The following MCTP1 variants were observed in gnomAD, a reference collection of about 807,000 sequenced individuals.
MCTP1 encodes multiple C2 and transmembrane domain-containing protein 1.
MCTP1 carries 69 observed loss-of-function variants against 120.6 expected under a neutral mutation model. That is an observed-to-expected ratio of 0.57 (90% CI 0.47 to 0.70). MCTP1 has a LOEUF of 0.70. MCTP1 is among the 30% of genes least tolerant of loss of function. The pLI is 0.00. For synonymous variants in MCTP1, 529 were observed against 493.1 expected (o/e 1.07, Z -0.96); for missense variants, 1,203 against 1,248.8 (o/e 0.96, Z 0.55).
intron 17 of MCTP1, among the ~76,000 whole-genome samples, chr5:94,849,240 T>C (rs1048969394): frequency 3.3e-5 from 5 of 152,168 alleles, no homozygotes; most frequent in Admixed American, 3.3e-4. Flanking sequence ...TCTATTTCCT[T>C]CTTTAGTAAC....
At chr5:94,808,449 A>G (rs1469925424) in intron 17 of MCTP1, among the ~76,000 whole-genome samples, 1 of 152,158 alleles carries the variant, frequency 6.6e-6, no homozygotes, top group East Asian at 1.9e-4. Context: ...GAATCTTTCC[A>G]ATTTATTTTG....
At chr5:95,147,018 T>C (rs942971530) in intron 1 of MCTP1, among the ~76,000 whole-genome samples, 1 of 152,182 alleles carries the variant, frequency 6.6e-6, no homozygotes, top group Non-Finnish European at 1.5e-5. Context: ...AGTCTTTTCA[T>C]AGGTCAAAAA....
chr5:95,183,551 G>C (rs1433007567), intron 1 of MCTP1, among the ~76,000 whole-genome samples: 1 of 152,068 alleles, frequency 6.6e-6, no homozygotes, highest in Non-Finnish European at 1.5e-5. Flanking sequence ...TTTGGAGCAT[G>C]AATTTGAAAT....
In MCTP1 at chr5:95,131,360, G is replaced by A. The variant is rs887396038; in HGVS notation, c.721-113876C>T. On this transcript the variant is annotated intron_variant, in intron 1 of 22. Coordinates refer to ENST00000515393, the MANE Select transcript of MCTP1 (RefSeq NM_024717.7). ...CCTGAAAATGTGAAGCAAGGAGACTGGGCTTGATTTTAATAGACCTGATTC... is the reference window on the plus strand; with the variant it reads ...CCTGAAAATGTGAAGCAAGGAGACTAGGCTTGATTTTAATAGACCTGATTC... 2.0e-5 allele frequency among the ~76,000 whole-genome samples: 3 copies of A among 152,062 alleles called. 1 individual carries two copies. Among genetic ancestry groups the A allele is most frequent in the Non-Finnish European group, 4.4e-5 (3 of 68,026 alleles).
chr5:94,808,537 T>A (rs1323287065), intron 17 of MCTP1, among the ~76,000 whole-genome samples: 3 of 152,180 alleles, frequency 2.0e-5, no homozygotes, highest in Non-Finnish European at 4.4e-5. Context: ...GTGGCATCTC[T>A]CCCTTCTCTT....
At chr5:94,988,907 A>G (rs144577309) in intron 2 of MCTP1, among the ~76,000 whole-genome samples, 98 of 152,176 alleles carry the variant, frequency 6.4e-4, no homozygotes, top group African/African-American at 2.2e-3. Flanking sequence ...TTCTAAAACT[A>G]TCAGATCTTG....
intron 15 of MCTP1, 38 bp downstream of exon 15, chr5:94,870,834 C>T (rs911416400): frequency 4.6e-6 from 6 of 1,314,996 alleles, no homozygotes; most frequent in Non-Finnish European, 6.6e-6. Context: ...TGAAACTGAA[C>T]TCTTTAGCAG....
chr5:95,009,182 T>C (rs1835426948), intron 2 of MCTP1, among the ~76,000 whole-genome samples: 1 of 152,098 alleles, frequency 6.6e-6, no homozygotes, highest in African/African-American at 2.4e-5. Flanking sequence ...AACTGTTTTG[T>C]TGTTTTAAGC....
intron 1 of MCTP1, among the ~76,000 whole-genome samples, chr5:95,281,870 T>C (rs1013744877): frequency 2.0e-5 from 3 of 152,234 alleles, no homozygotes; most frequent in African/African-American, 4.8e-5. Context: ...AAGGCTCTAC[T>C]TTCATCAGTA....
At chr5:95,237,358 G>A (rs1243071685) in intron 1 of MCTP1, among the ~76,000 whole-genome samples, 3 of 152,168 alleles carry the variant, frequency 2.0e-5, no homozygotes, top group Admixed American at 6.5e-5. Flanking sequence ...TAAAAGTAAC[G>A]GTTTTTGCCA....
chr5:94,870,723 G>A, intron 15 of MCTP1, 149 bp downstream of exon 15: 2 of 679,308 alleles, frequency 2.9e-6, no homozygotes, highest in South Asian at 3.7e-5. Context: ...AAGTGTGGGT[G>A]TGCCAGGCAG....
chr5:95,021,535 C>T (rs972762905), intron 1 of MCTP1, among the ~76,000 whole-genome samples: 2 of 151,900 alleles, frequency 1.3e-5, no homozygotes, highest in African/African-American at 4.8e-5. Context: ...CTCTATCTAG[C>T]TTAATTTATT....
At position 95,284,092 on chromosome 5, in the gene MCTP1, C is replaced by T; in HGVS notation, c.484G>A (p.Ala162Thr). ...SPDSAPSSSS[A>T]SSSLSSSPQP... The stretch of plus-strand genomic sequence containing the variant: ...GGCGAGGAGGACAGGGAGGATGAGG[C>T]GGAGGAAGAGGAAGGAGCTGAGTCG... The change falls in exon 1 of 23, where the codon GCC becomes ACC. Residue 162 changes from alanine (A) to threonine (T), a missense_variant. Physicochemically the swap from Ala to Thr is moderately conservative, Grantham distance 58. Transcript: ENST00000515393. This position sits in a 1 kb window ranked among gnomAD's most constrained non-coding sequence, Gnocchi z 5.2. The T allele has an allele frequency of 1.3e-6, 2 of 1,550,644 alleles. No individual in the cohort carries two copies. Among genetic ancestry groups the T allele is most frequent in the Non-Finnish European group, 1.7e-6 (2 of 1,146,940 alleles).
chr5:95,127,018 T>C (rs927452616), intron 1 of MCTP1, among the ~76,000 whole-genome samples: 2 of 152,202 alleles, frequency 1.3e-5, no homozygotes, highest in African/African-American at 2.4e-5. Context: ...AAGCAGCAGG[T>C]TGAGCTACCT....
chr5:95,140,534 A>G (rs1055939375), intron 1 of MCTP1, among the ~76,000 whole-genome samples: 8 of 151,944 alleles, frequency 5.3e-5, no homozygotes, highest in Non-Finnish European at 8.8e-5. Context: ...AACTGCTGTC[A>G]CAAAACTTTT....
intron 17 of MCTP1, among the ~76,000 whole-genome samples, chr5:94,806,368 G>T (rs1040554135): frequency 1.5e-4 from 23 of 152,140 alleles, no homozygotes; most frequent in African/African-American, 5.6e-4. Context: ...GTGGGGCAAG[G>T]CTTTTCAGTC....
At chr5:95,030,105 C>A (rs1840004762) in intron 1 of MCTP1, among the ~76,000 whole-genome samples, 1 of 152,154 alleles carries the variant, frequency 6.6e-6, no homozygotes, top group African/African-American at 2.4e-5. Flanking sequence ...ATGGCCTGTA[C>A]CTGCACTGCA....
intron 1 of MCTP1, among the ~76,000 whole-genome samples, chr5:95,056,814 T>C (rs1422479491): frequency 6.6e-5 from 10 of 152,120 alleles, no homozygotes; most frequent in Non-Finnish European, 1.2e-4. Flanking sequence ...AATTCCCCCA[T>C]AGTCTTGCTC....
intron 1 of MCTP1, among the ~76,000 whole-genome samples, chr5:95,119,633 G>A (rs1357758123): frequency 6.6e-6 from 1 of 151,902 alleles, no homozygotes; most frequent in Non-Finnish European, 1.5e-5. Context: ...TTTTAGCCAG[G>A]CTGAGGAAAA....
Sources: gnomAD v4.1 joint callset for allele counts (sites outside exome capture counted in the v4.1 genomes callset) on GRCh38, gnomAD v4.1.1 for gene constraint, Gnocchi (gnomAD v3.1) non-coding constraint, MANE v1.5 for transcripts, NCBI Gene and HGNC (gene_info 2026-07-23, HGNC 2026-07-21) for gene names.